The following THADA variants were observed in gnomAD, a reference collection of about 807,000 sequenced individuals.
The protein encoded by THADA is tRNA (32-2'-O)-methyltransferase regulator THADA.
THADA carries 213 observed loss-of-function variants against 219.8 expected under a neutral mutation model. The observed-to-expected ratio is 0.97, with a 90% CI of 0.87 to 1.09. The LOEUF is 1.09. Among genes scored for constraint, THADA ranks in the 50% least tolerant of loss-of-function variants. The pLI, the probability that THADA is intolerant of heterozygous loss-of-function variation, is 0.00. For synonymous variants in THADA, 1,018 were observed against 828.9 expected (o/e 1.23, Z -3.92); for missense variants, 2,956 against 2,311.3 (o/e 1.28, Z -5.72).
chr2:43,291,622 C>A, intron 34 of THADA, 74 bp downstream of exon 34: 2 of 1,226,884 alleles, frequency 1.6e-6, no homozygotes, highest in Non-Finnish European at 2.3e-6. Flanking sequence ...AGACTGTTCA[C>A]TTTTACTGAC....
At chr2:43,586,833 A>C (rs896631097) in intron 5 of THADA, 21 bp downstream of exon 5, 12 of 1,612,456 alleles carry the variant, frequency 7.4e-6, no homozygotes, top group African/African-American at 2.7e-5. Context: ...CAGAAAAAGG[A>C]CTAGAAAAGT....
chr2:43,481,290 G>T (rs1293012896), intron 26 of THADA, among the ~76,000 whole-genome samples: 2 of 152,126 alleles, frequency 1.3e-5, no homozygotes, highest in Admixed American at 1.3e-4. Context: ...TCCCAACATA[G>T]TCACTAGAAA....
At chr2:43,543,324 G>A (rs543309914) in intron 20 of THADA, among the ~76,000 whole-genome samples, 3,662 of 145,574 alleles carry the variant, frequency 0.025, 95 homozygotes, top group Non-Finnish European at 0.034. Context: ...GAATAGTGCC[G>A]CAATAAACAT....
At chr2:43,592,440 C>T (rs756803232) in intron 1 of THADA, 24 bp from the exon 2 acceptor site, 1 of 1,372,246 alleles carries the variant, frequency 7.3e-7, no homozygotes, top group Non-Finnish European at 1.0e-6. Context: ...GACTTTAAGG[C>T]ATTAATGTAA....
intron 26 of THADA, among the ~76,000 whole-genome samples, chr2:43,434,596 G>C (rs1474322492): frequency 6.6e-6 from 1 of 152,146 alleles, no homozygotes; most frequent in African/African-American, 2.4e-5. Flanking sequence ...GGCACCAGCA[G>C]GCCATCGACT....
intron 28 of THADA, among the ~76,000 whole-genome samples, chr2:43,411,926 T>G (rs1375617946): frequency 6.6e-6 from 1 of 152,164 alleles, no homozygotes; most frequent in Non-Finnish European, 1.5e-5. Context: ...TCATGGTGAT[T>G]GTGTTTTAAG....
intron 26 of THADA, among the ~76,000 whole-genome samples, chr2:43,456,043 C>G (rs1400654699): frequency 6.6e-6 from 1 of 151,960 alleles, no homozygotes; most frequent in East Asian, 1.9e-4. Flanking sequence ...TTAACCTTTC[C>G]CAACAGAGAC....
rs189899789 is a variant in THADA at position 43,344,193 on chromosome 2, C to T, written c.4272G>A (p.Thr1424=). The T allele has an allele frequency of 1.6e-4, 259 of 1,612,584 alleles. No homozygotes were observed. In the East Asian group the frequency reaches 2.3e-3, roughly 14 times the overall value. The change falls in exon 30 of 38, where the codon ACG becomes ACA. Residue 1424 remains threonine (T), a synonymous_variant. Coordinates refer to ENST00000405975, the MANE Select transcript of THADA (RefSeq NM_022065.5). ...LQAYSDSKHG[T]NSDFQHELTD... ...TCAGCTCGTGCTGGAAGTCTGAATTCGTTCCGTGTTTGGAGTCTGAGTAGG... is the reference window on the plus strand; with the variant it reads ...TCAGCTCGTGCTGGAAGTCTGAATTTGTTCCGTGTTTGGAGTCTGAGTAGG...
chr2:43,488,071 G>A (rs1334816167), intron 25 of THADA, among the ~76,000 whole-genome samples: 2 of 152,070 alleles, frequency 1.3e-5, no homozygotes, highest in Non-Finnish European at 2.9e-5. Flanking sequence ...TCATCAGTTA[G>A]TAAAGAATTA....
At chr2:43,490,484 G>A (rs1687492065) in intron 25 of THADA, among the ~76,000 whole-genome samples, 3 of 152,218 alleles carry the variant, frequency 2.0e-5, no homozygotes, top group African/African-American at 7.2e-5. Flanking sequence ...CACTGAGGTT[G>A]AGAAATTTCC....
chr2:43,293,746 G>C (rs1675027693), intron 31 of THADA, among the ~76,000 whole-genome samples: 1 of 152,180 alleles, frequency 6.6e-6, no homozygotes, highest in Non-Finnish European at 1.5e-5. Flanking sequence ...CAGCTCTTTA[G>C]ACATTTGATT....
chr2:43,430,708 C>T, intron 26 of THADA: 1 of 453,714 alleles, frequency 2.2e-6, no homozygotes, highest in South Asian at 1.6e-5. Flanking sequence ...ACCCTGGCAC[C>T]AATGACAGTT....
chr2:43,345,212 T>G (rs1231101489), intron 29 of THADA, among the ~76,000 whole-genome samples: 4 of 152,244 alleles, frequency 2.6e-5, no homozygotes, highest in African/African-American at 9.6e-5. Flanking sequence ...TCTCTTTCTC[T>G]CCTATCAACA....
chr2:43,293,616 C>G (rs1279320353), intron 31 of THADA, among the ~76,000 whole-genome samples: 1 of 152,108 alleles, frequency 6.6e-6, no homozygotes, highest in Non-Finnish European at 1.5e-5. Context: ...TTGGTTGAAC[C>G]CTACAGTACC....
At chr2:43,399,132 T>C (rs1573460854) in intron 28 of THADA, among the ~76,000 whole-genome samples, 1 of 152,214 alleles carries the variant, frequency 6.6e-6, no homozygotes, top group East Asian at 1.9e-4. Flanking sequence ...GAAAGTCCAA[T>C]ATGCTAAGTA....
At chr2:43,571,911 A>G in intron 12 of THADA, 49 bp from the exon 13 acceptor site, 1 of 1,575,780 alleles carries the variant, frequency 6.3e-7, no homozygotes, top group Non-Finnish European at 8.7e-7. Flanking sequence ...AAATAAGCAA[A>G]GCCTAAATCA....
At chr2:43,510,744 G>A (rs1028751115) in intron 22 of THADA, among the ~76,000 whole-genome samples, 6 of 151,468 alleles carry the variant, frequency 4.0e-5, no homozygotes, top group Non-Finnish European at 8.8e-5. Context: ...GCTGAGGCGG[G>A]AGGATCACCT....
chr2:43,515,289 A>G (rs1170665857), intron 22 of THADA, among the ~76,000 whole-genome samples: 2 of 33,532 alleles, frequency 6.0e-5, no homozygotes, highest in Non-Finnish European at 9.1e-5. Context: ...TATATTATAT[A>G]TAATATATAA....
At chr2:43,571,110 G>A (rs1029110897) in intron 13 of THADA, among the ~76,000 whole-genome samples, 4 of 152,082 alleles carry the variant, frequency 2.6e-5, no homozygotes, top group Non-Finnish European at 5.9e-5. Context: ...TTAAATATTA[G>A]TCAGGCATGG....
Sources: allele counts gnomAD v4.1 joint callset (sites outside exome capture counted in the v4.1 genomes callset), GRCh38; gene constraint gnomAD v4.1.1; transcripts MANE v1.5; gene names NCBI Gene and HGNC (gene_info 2026-07-23, HGNC 2026-07-21).